Variants in FRMD5 observed in about 807,000 individuals in gnomAD.
FRMD5 encodes FERM domain-containing protein 5.
A neutral mutation model predicts 69.0 loss-of-function variants in FRMD5; 20 were observed. That is an observed-to-expected ratio of 0.29 (90% CI 0.20 to 0.42). The LOEUF (loss-of-function observed/expected upper bound fraction) is 0.42. Among genes scored for constraint, FRMD5 ranks in the 10% least tolerant of loss-of-function variants. The probability of loss-of-function intolerance (pLI) is 1.00; values close to 1 mark genes in which losing one functional copy is unlikely to be tolerated. For missense variants in FRMD5, 595 were observed against 708.6 expected (o/e 0.84, Z 1.82); for synonymous variants, 271 against 260.1 (o/e 1.04, Z -0.40).
intron 7 of FRMD5, among the ~76,000 whole-genome samples, chr15:43,900,500 C>T (rs2089018895): frequency 6.6e-6 from 1 of 152,070 alleles, no homozygotes; most frequent in Non-Finnish European, 1.5e-5. Context: ...ACCAGGGTTT[C>T]TGAATATCAG....
intron 1 of FRMD5, among the ~76,000 whole-genome samples, chr15:44,171,462 T>C (rs1313064325): frequency 2.0e-5 from 3 of 152,196 alleles, no homozygotes; most frequent in Non-Finnish European, 4.4e-5. Flanking sequence ...ATCCAGTATT[T>C]TTGTTTGGGG....
In FRMD5 at chr15:44,188,821, C is replaced by T. The variant is rs998614294; in HGVS notation, c.102+6132G>A. On this transcript the variant is annotated intron_variant, in intron 1 of 13. Coordinates refer to ENST00000417257, the MANE Select transcript of FRMD5 (RefSeq NM_032892.5). ...CTTGGTGGGCAGTGGTTGTCTGAGG[C>T]TTTGAACTGATCTTTAACACACAGG... is the stretch of plus-strand genomic sequence containing the variant. 2.6e-5 allele frequency among the ~76,000 whole-genome samples: 4 copies of T among 152,112 alleles called. No individual in the cohort carries two copies. In the East Asian group the frequency reaches 5.8e-4, roughly 22 times the overall value.
chr15:44,039,002 G>C (rs1892061709), intron 1 of FRMD5, among the ~76,000 whole-genome samples: 1 of 152,196 alleles, frequency 6.6e-6, no homozygotes, highest in Non-Finnish European at 1.5e-5. Context: ...TTTGTAGGGG[G>C]AGGGGCATCC....
At chr15:44,132,735 A>AATGT (rs556557718) in intron 1 of FRMD5, among the ~76,000 whole-genome samples, 8,048 of 118,006 alleles carry the variant, frequency 0.068, 387 homozygotes, top group African/African-American at 0.14. Flanking sequence ...GGACATCATG[A>AATGT]ATGTATGTAT....
intron 1 of FRMD5, among the ~76,000 whole-genome samples, chr15:44,160,500 C>CT (rs1449176480): frequency 2.0e-5 from 3 of 152,200 alleles, no homozygotes; most frequent in African/African-American, 7.2e-5. Context: ...AAGCCTACAG[C>CT]TTACCAGTTT....
At chr15:44,058,221 C>T (rs545571870) in intron 1 of FRMD5, among the ~76,000 whole-genome samples, 4 of 152,166 alleles carry the variant, frequency 2.6e-5, no homozygotes, top group Admixed American at 2.0e-4. Context: ...CAAGCAGTAT[C>T]AAGTGAAGGA....
chr15:43,971,275 A>T (rs1595573308), intron 1 of FRMD5, among the ~76,000 whole-genome samples: 1 of 152,192 alleles, frequency 6.6e-6, no homozygotes, highest in Admixed American at 6.5e-5. Context: ...AAACCAAAAA[A>T]ACAAAAAATA....
At chr15:44,149,373 TAATA>T (rs2077408290) in intron 1 of FRMD5, among the ~76,000 whole-genome samples, 1 of 151,948 alleles carries the variant, frequency 6.6e-6, no homozygotes, top group Non-Finnish European at 1.5e-5. Context: ...TTTAAAACTA[TAATA>T]TATATAGAAA....
intron 4 of FRMD5, among the ~76,000 whole-genome samples, chr15:43,917,218 G>A (rs545177523): frequency 6.8e-4 from 104 of 152,298 alleles, no homozygotes; most frequent in Non-Finnish European, 1.2e-3. Flanking sequence ...GTCCAGTGAG[G>A]TGGACAACAA....
intron 1 of FRMD5, among the ~76,000 whole-genome samples, chr15:44,123,026 C>A (rs1186631978): frequency 6.6e-6 from 1 of 152,134 alleles, no homozygotes; most frequent in Non-Finnish European, 1.5e-5. Context: ...CATTTTATGG[C>A]TATCATAATG....
At chr15:43,969,481 T>C (rs1363680818) in intron 1 of FRMD5, among the ~76,000 whole-genome samples, 1 of 152,212 alleles carries the variant, frequency 6.6e-6, no homozygotes, top group Non-Finnish European at 1.5e-5. Flanking sequence ...ACACCTACCA[T>C]GCCCAGTTCT....
chr15:43,939,952 G>A lies in FRMD5; in HGVS notation c.103-15643C>T, dbSNP rs187238587. ...CAGCGCTTTGGGAGGCAAGGCAGGC[G>A]GATCACCTTAGGTCAGGAGTTTGGG... is the stretch of plus-strand genomic sequence containing the variant. On this transcript the variant is annotated intron_variant, in intron 1 of 13. Transcript: ENST00000417257. 8.9e-4 allele frequency among the ~76,000 whole-genome samples: 135 copies of A among 152,292 alleles called. 2 individuals are homozygous for A. The highest frequency in any genetic ancestry group is 7.9e-4 in the Non-Finnish European group (54 of 68,030).
Position 44,123,359 on chromosome 15 carries a change from A to G in FRMD5, c.102+71594T>C, listed in dbSNP as rs555606868. Among the ~76,000 whole-genome samples the G allele has an allele frequency of 1.7e-3, 255 of 150,642 alleles. 9 individuals carry two copies. The South Asian group carries it at 0.053, about 31-fold the overall frequency. ...AACTCCATCTCAAAAAAAAAAAGTG[A>G]TATGGCATAGGGTTAAAGAAAAGTG... On this transcript the variant is annotated intron_variant, in intron 1 of 13. Coordinates refer to ENST00000417257, the MANE Select transcript of FRMD5 (RefSeq NM_032892.5).
At chr15:43,903,651 G>C (rs1381341125) in intron 6 of FRMD5, among the ~76,000 whole-genome samples, 1 of 152,208 alleles carries the variant, frequency 6.6e-6, no homozygotes, top group African/African-American at 2.4e-5. Context: ...GAAAATATCT[G>C]TGTGGCAAGC....
Position 43,873,475 on chromosome 15 carries a change from GCT to G in FRMD5, c.*408_*409del. 1 of 1,422,466 alleles carries G rather than the reference GCT, an allele frequency of 7.0e-7. No individual in the cohort carries two copies. Among genetic ancestry groups the G allele is most frequent in the East Asian group, 2.6e-5 (1 of 37,800 alleles). 88.1% of individuals were successfully genotyped at this position (1,422,466 alleles called of 1,614,324 possible). On this transcript the variant is annotated 3_prime_UTR_variant, in exon 14 of 14. Coordinates refer to ENST00000417257, the MANE Select transcript of FRMD5 (RefSeq NM_032892.5). ...CTCCTGCAGAATACAGAGGACAGCA[GCT>G]CTCTAGTTTTCAACTAGTGTCCCCT...
chr15:44,047,899 T>C (rs1247014082), intron 1 of FRMD5, among the ~76,000 whole-genome samples: 1 of 152,262 alleles, frequency 6.6e-6, no homozygotes, highest in African/African-American at 2.4e-5. Context: ...TTTCTTTTTA[T>C]TGCAAAATCA....
chr15:44,066,942 A>G (rs1042507006), intron 1 of FRMD5, among the ~76,000 whole-genome samples: 11 of 152,166 alleles, frequency 7.2e-5, no homozygotes, highest in Admixed American at 1.3e-4. Flanking sequence ...CTGAGATTGT[A>G]TGAAGGCAGA....
At chr15:44,153,398 A>C (rs914321443) in intron 1 of FRMD5, among the ~76,000 whole-genome samples, 1 of 152,242 alleles carries the variant, frequency 6.6e-6, no homozygotes, top group African/African-American at 2.4e-5. Context: ...AAAGGAAGGA[A>C]ACTCTGACAT....
intron 1 of FRMD5, among the ~76,000 whole-genome samples, chr15:44,161,735 T>C (rs2077619092): frequency 6.6e-6 from 1 of 152,190 alleles, no homozygotes; most frequent in Non-Finnish European, 1.5e-5. Context: ...CTGTTCTACA[T>C]CTTTCCAAAT....
Sources: allele counts gnomAD v4.1 joint callset (sites outside exome capture counted in the v4.1 genomes callset), GRCh38; gene constraint gnomAD v4.1.1; transcripts MANE v1.5; gene names NCBI Gene and HGNC (gene_info 2026-07-23, HGNC 2026-07-21).